Variants in USH2A observed in about 807,000 individuals in gnomAD.
USH2A encodes the protein usherin, also known as Usher syndrome 2A (autosomal recessive, mild).
In USH2A, 443 loss-of-function variants were observed where a neutral mutation model predicts 538.9. That is an observed-to-expected ratio of 0.82 (90% CI 0.76 to 0.89). The LOEUF (loss-of-function observed/expected upper bound fraction) is 0.89, where lower values mean the gene tolerates loss of function less well. USH2A is among the 40% of genes least tolerant of loss of function. The pLI is 0.00. For synonymous variants in USH2A, 2,413 were observed against 2,273.5 expected (o/e 1.06, Z -1.75); for missense variants, 6,633 against 6,324.8 (o/e 1.05, Z -1.65).
At chr1:216,402,366 C>T (rs1362413952) in intron 3 of USH2A, among the ~76,000 whole-genome samples, 2 of 151,992 alleles carry the variant, frequency 1.3e-5, no homozygotes, top group African/African-American at 4.8e-5. Flanking sequence ...AAGGAAATTT[C>T]AAAAACATAG....
chr1:215,733,663 T>C (rs1660071710), intron 60 of USH2A, among the ~76,000 whole-genome samples: 1 of 152,210 alleles, frequency 6.6e-6, no homozygotes, highest in Admixed American at 6.5e-5. Flanking sequence ...AACATTCTCA[T>C]TGCAAAAGGG....
At chr1:216,273,738 C>G (rs11120751) in intron 11 of USH2A, among the ~76,000 whole-genome samples, 1 of 150,154 alleles carries the variant, frequency 6.7e-6, no homozygotes, top group Non-Finnish European at 1.5e-5. Context: ...ATCACAATTT[C>G]TACTTAGTTT....
intron 59 of USH2A, among the ~76,000 whole-genome samples, chr1:215,741,992 T>C (rs1294479188): frequency 2.0e-5 from 3 of 152,186 alleles, no homozygotes; most frequent in Admixed American, 6.5e-5. Context: ...ATTTGAAGGA[T>C]ATTGTACCTC....
intron 4 of USH2A, among the ~76,000 whole-genome samples, chr1:216,351,465 CAA>C (rs1222932072): frequency 6.6e-5 from 10 of 152,076 alleles, no homozygotes; most frequent in African/African-American, 2.4e-4. Flanking sequence ...CAAAAATCGG[CAA>C]AGAGGCCAAT....
At chr1:216,139,436 AAG>A (rs1176330487) in intron 21 of USH2A, among the ~76,000 whole-genome samples, 5 of 152,084 alleles carry the variant, frequency 3.3e-5, no homozygotes, top group Non-Finnish European at 7.4e-5. Flanking sequence ...AAAAAAAAAA[AAG>A]AAAAAATTCA....
Position 216,030,464 on chromosome 1 carries a change from CAT to C in USH2A, c.6325+15965_6325+15966del, listed in dbSNP as rs796233822. Among the ~76,000 whole-genome samples the C allele has an allele frequency of 1.8e-4, 8 of 44,942 alleles. No homozygotes were observed. In the South Asian group the frequency reaches 3.9e-3, roughly 22 times the overall value. The allele number at this position is 44,942 out of a possible 152,430, so 29.5% of individuals were successfully genotyped here. ...ATGATATATAGATATATATCACAGA[CAT>C]ATAATATATATGATATATAGATATA... On this transcript the variant is annotated intron_variant, in intron 32 of 71. Coordinates refer to ENST00000307340, the MANE Select transcript of USH2A (RefSeq NM_206933.4).
At chr1:215,935,615 ATC>A (rs1270668507) in intron 37 of USH2A, among the ~76,000 whole-genome samples, 5 of 151,982 alleles carry the variant, frequency 3.3e-5, no homozygotes, top group Admixed American at 3.3e-4. Flanking sequence ...ACAGTGTTTT[ATC>A]TCTCTCTCTT....
chr1:215,705,973 GA>G (rs1334502412), intron 61 of USH2A, among the ~76,000 whole-genome samples: 1 of 152,176 alleles, frequency 6.6e-6, no homozygotes, highest in Non-Finnish European at 1.5e-5. Context: ...TGATAACAAT[GA>G]GTGCTTTTCA....
At chr1:215,884,290 G>A (rs1664993136) in intron 41 of USH2A, among the ~76,000 whole-genome samples, 1 of 152,114 alleles carries the variant, frequency 6.6e-6, no homozygotes, top group Admixed American at 6.5e-5. Flanking sequence ...AAAAACATCG[G>A]CATTCTGATT....
chr1:216,060,159 T>C lies in USH2A; in HGVS notation c.6049+9942A>G, dbSNP rs77206363. ...GACCACTCCTCTACACTAGTGTCTT[T>C]CAATATGTGGTTCATAAACCTTCCA... On this transcript the variant is annotated intron_variant, in intron 30 of 71. Transcript: ENST00000307340. Among the ~76,000 whole-genome samples the C allele has an allele frequency of 6.7e-3, 1,014 of 152,332 alleles. 22 individuals carry two copies. The highest frequency in any genetic ancestry group is 0.023 in the African/African-American group (952 of 41,578).
chr1:215,929,970 T>TA lies in USH2A; in HGVS notation c.7300+4645dup, dbSNP rs1666324098. 2.0e-5 allele frequency among the ~76,000 whole-genome samples: 3 copies of TA among 152,100 alleles called. No homozygotes were observed. The South Asian group carries it at 6.2e-4, about 32-fold the overall frequency. ...AGGAGAGAGAGTCGAAAAGACCCTGTAAAACAAACTACTCGCAACCATTTT... is the reference window on the plus strand; with the variant it reads ...AGGAGAGAGAGTCGAAAAGACCCTGTAAAAACAAACTACTCGCAACCATTTT... On this transcript the variant is annotated intron_variant, in intron 38 of 71. Coordinates refer to ENST00000307340, the MANE Select transcript of USH2A (RefSeq NM_206933.4).
intron 9 of USH2A, among the ~76,000 whole-genome samples, chr1:216,313,164 G>A (rs941055797): frequency 1.3e-5 from 2 of 152,120 alleles, no homozygotes; most frequent in African/African-American, 4.8e-5. Context: ...AGTTCACAAT[G>A]GGGTTTATGC....
chr1:215,843,945 C>T (rs1446824149), intron 46 of USH2A, among the ~76,000 whole-genome samples: 1 of 152,148 alleles, frequency 6.6e-6, no homozygotes, highest in South Asian at 2.1e-4. Flanking sequence ...AACATCTCCA[C>T]ATTTACAAAC....
At chr1:216,036,749 A>C (rs1450122843) in intron 32 of USH2A, among the ~76,000 whole-genome samples, 1 of 152,064 alleles carries the variant, frequency 6.6e-6, no homozygotes, top group Non-Finnish European at 1.5e-5. Flanking sequence ...CAAATTTTCC[A>C]ATGGCTTTCT....
At chr1:215,856,389 C>T (rs906656932) in intron 44 of USH2A, among the ~76,000 whole-genome samples, 11 of 152,028 alleles carry the variant, frequency 7.2e-5, no homozygotes, top group Admixed American at 7.2e-4. Context: ...CATTAATAGA[C>T]AATTCTCAAA....
chr1:215,946,180 C>T (rs532541482), intron 37 of USH2A, among the ~76,000 whole-genome samples: 1 of 152,108 alleles, frequency 6.6e-6, no homozygotes, highest in African/African-American at 2.4e-5. Context: ...ACCTATAGAT[C>T]CAAACTATTA....
intron 37 of USH2A, among the ~76,000 whole-genome samples, chr1:215,941,437 T>C (rs902627218): frequency 1.3e-5 from 2 of 152,100 alleles, no homozygotes; most frequent in African/African-American, 4.8e-5. Context: ...CAGGGTTTTT[T>C]TCCACTTTGA....
At chr1:215,864,591 A>C (rs2102438306) in intron 44 of USH2A, among the ~76,000 whole-genome samples, 1 of 152,270 alleles carries the variant, frequency 6.6e-6, no homozygotes, top group East Asian at 1.9e-4. Flanking sequence ...CCATCATTTG[A>C]CTTGTCAAGT....
At chr1:216,211,012 G>A (rs994199546) in intron 15 of USH2A, among the ~76,000 whole-genome samples, 1 of 151,370 alleles carries the variant, frequency 6.6e-6, no homozygotes, top group Admixed American at 6.6e-5. Context: ...TTGGGGTGGT[G>A]GGGGGTGGTG....
Sources: allele counts gnomAD v4.1 joint callset (sites outside exome capture counted in the v4.1 genomes callset), GRCh38; gene constraint gnomAD v4.1.1; transcripts MANE v1.5; gene names NCBI Gene and HGNC (gene_info 2026-07-23, HGNC 2026-07-21).